CCDC38: variants seen among roughly 807,000 people sequenced by gnomAD.
CCDC38 encodes the protein coiled-coil domain containing 38.
A neutral mutation model predicts 72.8 loss-of-function variants in CCDC38; 69 were observed. The observed-to-expected ratio is 0.95, with a 90% CI of 0.78 to 1.16. The LOEUF (loss-of-function observed/expected upper bound fraction) is 1.16. Ranked by LOEUF, CCDC38 falls within the 50% of genes most tolerant of loss-of-function variation. The pLI is 0.00. For synonymous variants in CCDC38, 201 were observed against 213.2 expected (o/e 0.94, Z 0.50); for missense variants, 626 against 638.9 (o/e 0.98, Z 0.22).
intron 1 of CCDC38, among the ~76,000 whole-genome samples, chr12:95,938,739 A>G (rs1321305219): frequency 6.6e-6 from 1 of 152,242 alleles, no homozygotes; most frequent in African/African-American, 2.4e-5. Context: ...AAGGGATTAT[A>G]AAGTCCCCTT....
At chr12:95,915,598 T>C (rs1159271063) in intron 4 of CCDC38, among the ~76,000 whole-genome samples, 1 of 151,972 alleles carries the variant, frequency 6.6e-6, no homozygotes, top group African/African-American at 2.4e-5. Context: ...TGCTTTCATG[T>C]AGGTTTGTTT....
At chr12:95,894,963 A>G in intron 8 of CCDC38, 26 bp downstream of exon 8, 1 of 1,563,072 alleles carries the variant, frequency 6.4e-7, no homozygotes, top group Non-Finnish European at 8.7e-7. Context: ...TATTTAGTTC[A>G]TGAAAGTTGA....
chr12:95,885,402 C>G (rs11108319), intron 10 of CCDC38: 30,260 of 170,462 alleles, frequency 0.18, 2,969 homozygotes, highest in African/African-American at 0.26. Context: ...CCTTTGATAA[C>G]AACTCAGAAA....
chr12:95,906,965 C>T (rs1276066071), intron 4 of CCDC38, among the ~76,000 whole-genome samples: 1 of 151,100 alleles, frequency 6.6e-6, no homozygotes, highest in East Asian at 1.9e-4. Flanking sequence ...GCAGAGGACC[C>T]TGCGGCCTTC....
At chr12:95,877,068 TGAA>T (rs1029833998) in intron 13 of CCDC38, among the ~76,000 whole-genome samples, 3 of 152,052 alleles carry the variant, frequency 2.0e-5, no homozygotes, top group Non-Finnish European at 4.4e-5. Flanking sequence ...TTATTGGGGA[TGAA>T]GAAACTCTCC....
In CCDC38 at chr12:95,867,101, T is replaced by C. The variant is rs1477431787; in HGVS notation, c.1667A>G (p.Gln556Arg). 1 of 1,594,344 alleles carries C rather than the reference T, an allele frequency of 6.3e-7. No homozygotes were observed. The highest frequency in any genetic ancestry group is 1.1e-5 in the South Asian group (1 of 89,830). Residue 556 changes from glutamine (Q) to arginine (R), a missense_variant, in exon 16 of 16, where the codon CAA becomes CGA. Physicochemically the swap from Gln to Arg is conservative, Grantham distance 43. Transcript: ENST00000344280. ...TCAAGTAAAAAAATATTCTTCCTCT[T>C]GTGATTTTGTTTTTGTTTCATTGAC... ...PLVNETKTKS[Q>R]EEEYFFT is the part of the protein sequence containing the mutation.
At chr12:95,915,895 C>T (rs1237140100) in intron 4 of CCDC38, among the ~76,000 whole-genome samples, 1 of 152,198 alleles carries the variant, frequency 6.6e-6, no homozygotes, top group African/African-American at 2.4e-5. Flanking sequence ...AAGACACCTA[C>T]TTTTAAGAGA....
Position 95,898,808 on chromosome 12 carries a change from G to A in CCDC38, c.370-77C>T, listed in dbSNP as rs1047792540. The stretch of plus-strand genomic sequence containing the variant: ...ATTTCAACAGTCTTATACACAGCAA[G>A]TGAACATTTGTATTAGAAATAATAG... On this transcript the variant is annotated intron_variant, in intron 5 of 15. Transcript: ENST00000344280. The A allele has an allele frequency of 9.7e-6, 13 of 1,342,190 alleles. No homozygotes were observed. In the African/African-American group the frequency reaches 1.5e-4, roughly 15 times the overall value. The allele number at this position is 1,342,190 out of a possible 1,614,324, so 83.1% of individuals were successfully genotyped here. A position where few individuals can be genotyped will look rare whatever the true frequency, so the allele number is the denominator to read the frequency against.
rs573200378 is a variant in CCDC38, at chr12:95,889,912, TATTTA to T, written c.871+915_871+919del. On this transcript the variant is annotated intron_variant, in intron 9 of 15. Coordinates refer to ENST00000344280, the MANE Select transcript of CCDC38 (RefSeq NM_182496.3). The stretch of plus-strand genomic sequence containing the variant: ...GCTTATTTTACTTTATTTATTTATT[TATTTA>T]TTTATTTGACATAGGGTCTCACTCC... Among the ~76,000 whole-genome samples the T allele has an allele frequency of 1.4e-3, 216 of 152,136 alleles. 1 individual carries two copies. Among genetic ancestry groups the T allele is most frequent in the African/African-American group, 5.0e-3 (206 of 41,492 alleles).
intron 13 of CCDC38, among the ~76,000 whole-genome samples, 164 bp from the exon 14 acceptor site, chr12:95,872,624 G>T (rs1405668245): frequency 6.6e-6 from 1 of 152,076 alleles, no homozygotes; most frequent in East Asian, 1.9e-4. Context: ...ACCCAGGCTG[G>T]AGTGCAGTGG....
intron 2 of CCDC38, among the ~76,000 whole-genome samples, chr12:95,925,628 A>G (rs2080261488): frequency 6.6e-6 from 1 of 152,270 alleles, no homozygotes; most frequent in Non-Finnish European, 1.5e-5. Flanking sequence ...CAGTTTTCAA[A>G]GGGAATGCTT....
chr12:95,901,229 G>A (rs2079946904), intron 5 of CCDC38, among the ~76,000 whole-genome samples: 1 of 152,158 alleles, frequency 6.6e-6, no homozygotes, highest in Non-Finnish European at 1.5e-5. Context: ...AGGAGTCAAG[G>A]ATAACCCCAA....
At chr12:95,936,287 C>T (rs1326222183) in intron 2 of CCDC38, among the ~76,000 whole-genome samples, 186 bp downstream of exon 2, 1 of 151,902 alleles carries the variant, frequency 6.6e-6, no homozygotes, top group Non-Finnish European at 1.5e-5. Flanking sequence ...ATTTAATGCA[C>T]CCTCTGATTT....
chr12:95,921,010 C>T (rs1364576781), intron 2 of CCDC38, among the ~76,000 whole-genome samples: 1 of 151,950 alleles, frequency 6.6e-6, no homozygotes, highest in East Asian at 1.9e-4. Context: ...CGCCTGTAAT[C>T]CCAGCTCCTT....
intron 2 of CCDC38, among the ~76,000 whole-genome samples, chr12:95,928,353 C>A (rs1359657609): frequency 6.6e-6 from 1 of 152,226 alleles, no homozygotes; most frequent in East Asian, 1.9e-4. Flanking sequence ...CTTCTGCATT[C>A]TTCACGTAGT....
rs372653303 is a variant in CCDC38 at position 95,872,236 on chromosome 12, T to A, written c.1484+19A>T. The A allele has an allele frequency of 3.7e-6, 6 of 1,609,436 alleles. No individual in the cohort carries two copies. The Middle Eastern group carries it at 4.9e-4, about 133-fold the overall frequency. On this transcript the variant is annotated intron_variant, in intron 14 of 15. Transcript: ENST00000344280. Reference sequence around the variant, plus strand: ...AAACCAGCTACTCATTAAGTCATTCTTATCCTTATTGACTGTACTTTTGCC... The same window carrying A: ...AAACCAGCTACTCATTAAGTCATTCATATCCTTATTGACTGTACTTTTGCC...
At chr12:95,914,559 T>G (rs940664885) in intron 4 of CCDC38, among the ~76,000 whole-genome samples, 1 of 152,136 alleles carries the variant, frequency 6.6e-6, no homozygotes, top group African/African-American at 2.4e-5. Flanking sequence ...AATATGAAAC[T>G]CTAGCAGATA....
intron 1 of CCDC38, among the ~76,000 whole-genome samples, chr12:95,937,292 T>G (rs2080404593): frequency 6.6e-6 from 1 of 152,190 alleles, no homozygotes; most frequent in African/African-American, 2.4e-5. Flanking sequence ...TTGTCTCTAT[T>G]TAAAATTCTG....
intron 5 of CCDC38, 25 bp downstream of exon 5, chr12:95,906,362 A>G: frequency 6.6e-7 from 1 of 1,517,928 alleles, no homozygotes; most frequent in Non-Finnish European, 9.1e-7. Flanking sequence ...CCACTTGGCT[A>G]GGGGAGAAAA....
Sources: allele counts gnomAD v4.1 joint callset (sites outside exome capture counted in the v4.1 genomes callset), GRCh38; gene constraint gnomAD v4.1.1; transcripts MANE v1.5; gene names NCBI Gene and HGNC (gene_info 2026-07-23, HGNC 2026-07-21).